Variants in IQSEC3 observed in about 807,000 individuals in gnomAD.
The protein encoded by IQSEC3 is IQ motif and Sec7 domain ArfGEF 3.
IQSEC3 carries 50 observed loss-of-function variants against 105.4 expected under a neutral mutation model. That is an observed-to-expected ratio of 0.47 (90% CI 0.38 to 0.60). The LOEUF (loss-of-function observed/expected upper bound fraction) is 0.60, where lower values mean the gene tolerates loss of function less well. Among genes scored for constraint, IQSEC3 ranks in the 20% least tolerant of loss-of-function variants. The pLI is 0.00. For missense variants in IQSEC3, 1,415 were observed against 1,630.0 expected (o/e 0.87, Z 2.27); for synonymous variants, 708 against 746.0 (o/e 0.95, Z 0.83).
Position 138,275 on chromosome 12 carries a change from G to C in IQSEC3, c.912G>C (p.Met304Ile), listed in dbSNP as rs1865851011. The change falls in exon 4 of 14, where the codon ATG becomes ATC. Residue 304 changes from methionine (M) to isoleucine (I), a missense_variant. Transcript: ENST00000538872. The surrounding 1 kb of genome is among the most constrained non-coding windows in gnomAD (Gnocchi z 7.1). ...TGTCCTCGTCCTTGCAGATTGAAAT[G>C]CTAGAACATAAGTACGGCGGTCACC... ...SLDLKNKQIE[M>I]LEHKYGGHLV... The C allele has an allele frequency of 2.5e-6, 4 of 1,611,430 alleles. No homozygotes were observed. The East Asian group carries it at 8.9e-5, about 36-fold the overall frequency.
chr12:151,907 T>C (rs1188366682), intron 5 of IQSEC3, among the ~76,000 whole-genome samples: 1 of 152,194 alleles, frequency 6.6e-6, no homozygotes, highest in Non-Finnish European at 1.5e-5. Flanking sequence ...TCAAATGCCA[T>C]GTCCCCAAAG....
chr12:162,177 A>G lies in IQSEC3; in HGVS notation c.2583+112A>G, dbSNP rs1296194008. The G allele has an allele frequency of 3.3e-6, 4 of 1,212,678 alleles. No homozygotes were observed. The Admixed American group carries it at 8.8e-5, about 27-fold the overall frequency. The allele number at this position is 1,212,678 out of a possible 1,614,324, so 75.1% of individuals were successfully genotyped here. On this transcript the variant is annotated intron_variant, in intron 8 of 13. Coordinates refer to ENST00000538872, the MANE Select transcript of IQSEC3 (RefSeq NM_001170738.2). ...AAACTCTTTTTTCATATTCATTCAC[A>G]TGATAGTTATGAAGTACCTACTGTG... is the stretch of plus-strand genomic sequence containing the variant.
At chr12:157,399 G>T in intron 6 of IQSEC3, 129 bp from the exon 7 acceptor site, 1 of 1,162,604 alleles carries the variant, frequency 8.6e-7, no homozygotes, top group Non-Finnish European at 1.2e-6. Context: ...GTATGGGACA[G>T]ACACTGGTCT....
intron 9 of IQSEC3, among the ~76,000 whole-genome samples, chr12:164,186 C>T (rs1352879429): frequency 3.9e-5 from 6 of 152,206 alleles, no homozygotes; most frequent in Non-Finnish European, 8.8e-5. Context: ...TGGAGCAGGG[C>T]TTGTGTCTCC....
chr12:119,278 T>A (rs1865144087), intron 2 of IQSEC3, among the ~76,000 whole-genome samples: 1 of 152,066 alleles, frequency 6.6e-6, no homozygotes, highest in Non-Finnish European at 1.5e-5. Context: ...GCTGCCTATA[T>A]CCCTTGGCAC....
intron 1 of IQSEC3, among the ~76,000 whole-genome samples, chr12:81,057 G>A (rs1863729233): frequency 1.3e-5 from 2 of 152,294 alleles, no homozygotes; most frequent in East Asian, 3.9e-4. Context: ...TTCTCAACTG[G>A]GATTTCCAGG....
Position 152,026 on chromosome 12 carries a change from C to A in IQSEC3, c.2154-4999C>A, listed in dbSNP as rs1866528582. ...ACTATAGGTAAAGAATTATTTTTGA[C>A]TCTGTGTTCAATGCCTGTCTCTCCC... On this transcript the variant is annotated intron_variant, in intron 5 of 13. Transcript: ENST00000538872. The surrounding 1 kb of genome is among the most constrained non-coding windows in gnomAD (Gnocchi z 4.8). Among the ~76,000 whole-genome samples the A allele has an allele frequency of 6.6e-6, 1 of 152,096 alleles. No homozygotes were observed. The highest frequency in any genetic ancestry group is 2.4e-5 in the African/African-American group (1 of 41,392).
At chr12:113,083 G>T (rs1157796162) in intron 2 of IQSEC3, among the ~76,000 whole-genome samples, 1 of 152,062 alleles carries the variant, frequency 6.6e-6, no homozygotes, top group Non-Finnish European at 1.5e-5. Context: ...GAATGCCACG[G>T]GGAACAGCCT....
At chr12:145,739 G>T (rs1168929386) in intron 5 of IQSEC3, among the ~76,000 whole-genome samples, 1 of 152,250 alleles carries the variant, frequency 6.6e-6, no homozygotes, top group Non-Finnish European at 1.5e-5. Context: ...CTCCCTCTCG[G>T]TTTTCACATG....
intron 5 of IQSEC3, among the ~76,000 whole-genome samples, chr12:154,694 T>C (rs551899540): frequency 6.6e-6 from 1 of 152,308 alleles, no homozygotes; most frequent in East Asian, 1.9e-4. Flanking sequence ...TCTTCATCTC[T>C]ACCAGACTTC....
Position 125,821 on chromosome 12 carries a change from G to A in IQSEC3, c.812G>A (p.Gly271Asp), listed in dbSNP as rs781797524. 4 of 1,528,920 alleles carry A rather than the reference G, an allele frequency of 2.6e-6. No homozygotes were observed. In the Admixed American group the frequency reaches 7.9e-5, roughly 30 times the overall value. The allele number at this position is 1,528,920 out of a possible 1,614,324, so 94.7% of individuals were successfully genotyped here. Reference sequence around the variant, plus strand: ...GGCCCCCAGCACAAGGCCTCCCCCGGCCGGCAGCAGCCTGCCCTGGCGACG... The same window carrying A: ...GGCCCCCAGCACAAGGCCTCCCCCGACCGGCAGCAGCCTGCCCTGGCGACG... ...RAGPQHKASP[G>D]RQQPALATAL... Residue 271 changes from glycine (G) to aspartate (D), a missense_variant, in exon 3 of 14, where the codon GGC (glycine) becomes GAC (aspartate). By Grantham distance (94) the Gly-to-Asp change is moderately conservative. Around this residue, in one of 6 missense-constraint regions of IQSEC3, gnomAD observed 720 missense variants for 633.0 expected, o/e 1.14. Coordinates refer to ENST00000538872, the MANE Select transcript of IQSEC3 (RefSeq NM_001170738.2).
At chr12:73,725 A>C (rs2760691) in intron 1 of IQSEC3, among the ~76,000 whole-genome samples, 5 of 152,184 alleles carry the variant, frequency 3.3e-5, no homozygotes, top group Admixed American at 2.6e-4. Flanking sequence ...GAAAGATAAA[A>C]GGTTCACCTG....
At chr12:93,069 T>TA (rs1555073895) in intron 1 of IQSEC3, among the ~76,000 whole-genome samples, 1 of 152,226 alleles carries the variant, frequency 6.6e-6, no homozygotes, top group Non-Finnish European at 1.5e-5. Flanking sequence ...CTGTTGTATT[T>TA]GCCCTCCTAA....
At chr12:150,828 C>T (rs1224841655) in intron 5 of IQSEC3, among the ~76,000 whole-genome samples, 1 of 152,186 alleles carries the variant, frequency 6.6e-6, no homozygotes, top group Non-Finnish European at 1.5e-5. Context: ...AGGCAGGGTT[C>T]TGATTTGTAA....
chr12:165,869 C>G lies in IQSEC3; in HGVS notation c.2950C>G (p.Leu984Val). The part of the protein sequence containing the change: ...LKESIAEVTE[L>V]EQIRIEWELE... ...GGAGTCCATTGCTGAGGTGACGGAG[C>G]TGGAGCAGATCCGAATAGAGTGTAA... Residue 984 changes from leucine (L) to valine (V), a missense_variant, in exon 11 of 14, where the codon CTG becomes GTG. Physicochemically the swap from Leu to Val is conservative, Grantham distance 32. Coordinates refer to ENST00000538872, the MANE Select transcript of IQSEC3 (RefSeq NM_001170738.2). The G allele has an allele frequency of 6.2e-7, 1 of 1,614,044 alleles. No homozygotes were observed. The highest frequency in any genetic ancestry group is 1.1e-5 in the South Asian group (1 of 91,078).
chr12:72,497 C>T (rs1863357896), intron 1 of IQSEC3, among the ~76,000 whole-genome samples: 1 of 138,914 alleles, frequency 7.2e-6, no homozygotes, highest in African/African-American at 2.5e-5. Context: ...TGGCCCTGGG[C>T]ACAGGGCAAT....
intron 13 of IQSEC3, chr12:171,570 C>T: frequency 1.7e-6 from 1 of 581,512 alleles, no homozygotes. Context: ...CTCCCACCAT[C>T]CATAGCGGGG....
chr12:114,409 T>C (rs1451682238), intron 2 of IQSEC3, among the ~76,000 whole-genome samples: 3 of 152,174 alleles, frequency 2.0e-5, no homozygotes, highest in Non-Finnish European at 4.4e-5. Context: ...ATAGCAGGTG[T>C]TGGGCGTGGA....
intron 2 of IQSEC3, among the ~76,000 whole-genome samples, chr12:101,190 C>T (rs559024441): frequency 2.6e-5 from 4 of 152,292 alleles, no homozygotes; most frequent in Admixed American, 6.5e-5. Flanking sequence ...TGCAAGCTCG[C>T]TCACACACCA....
Sources: gnomAD v4.1 joint callset for allele counts (sites outside exome capture counted in the v4.1 genomes callset) on GRCh38, gnomAD v4.1.1 for gene constraint, gnomAD v4.1.1 regional missense constraint, Gnocchi (gnomAD v3.1) non-coding constraint, MANE v1.5 for transcripts, NCBI Gene and HGNC (gene_info 2026-07-23, HGNC 2026-07-21) for gene names.